The following SERPINE2 variants were observed in gnomAD, a reference collection of about 807,000 sequenced individuals.
SERPINE2 encodes the protein glia-derived nexin.
A neutral mutation model predicts 36.3 loss-of-function variants in SERPINE2; 14 were observed. That is an observed-to-expected ratio of 0.39 (90% CI 0.25 to 0.60). The LOEUF (loss-of-function observed/expected upper bound fraction) is 0.60. Among genes scored for constraint, SERPINE2 ranks in the 20% least tolerant of loss-of-function variants. SERPINE2 has a pLI of 0.57. For missense variants in SERPINE2, 418 were observed against 499.6 expected (o/e 0.84, Z 1.56); for synonymous variants, 192 against 191.8 (o/e 1.00, Z -0.01).
intron 3 of SERPINE2, among the ~76,000 whole-genome samples, chr2:223,997,577 G>T (rs1291834415): frequency 1.3e-5 from 2 of 152,216 alleles, no homozygotes; most frequent in Non-Finnish European, 2.9e-5. Flanking sequence ...TGGGAGAAGA[G>T]ACACTTACAA....
At chr2:223,984,358 A>C (rs1273733863) in intron 5 of SERPINE2, among the ~76,000 whole-genome samples, 1 of 152,196 alleles carries the variant, frequency 6.6e-6, no homozygotes, top group Admixed American at 6.5e-5. Flanking sequence ...AACTAAAATG[A>C]AGCTCCTTAT....
chr2:224,023,995 C>A (rs1205124597), intron 1 of SERPINE2, among the ~76,000 whole-genome samples: 1 of 152,178 alleles, frequency 6.6e-6, no homozygotes, highest in Non-Finnish European at 1.5e-5. Context: ...GAACTGGGTA[C>A]AAGAGGTGGG....
At chr2:224,038,181 T>G (rs947525446) in intron 1 of SERPINE2, among the ~76,000 whole-genome samples, 3 of 152,146 alleles carry the variant, frequency 2.0e-5, no homozygotes, top group Non-Finnish European at 4.4e-5. Flanking sequence ...TTCAGACAAA[T>G]AAACGGCTTC....
chr2:223,975,885 C>A lies in SERPINE2; in HGVS notation c.1176G>T (p.Gly392=). 1 of 1,596,326 alleles carries A rather than the reference C, an allele frequency of 6.3e-7. No homozygotes were observed. Among genetic ancestry groups the A allele is most frequent in the Non-Finnish European group, 8.6e-7 (1 of 1,168,324 alleles). ...HNPTGAVLFM[G]QINKP is the part of the protein sequence containing the mutation. ...ATACTCTTCAGGGTTTGTTTATCTG[C>A]CCCATGAATAACACAGCACCTACAG... The change falls in exon 9 of 9, where the codon GGG becomes GGT. Residue 392 remains glycine (G), a synonymous_variant. Coordinates refer to ENST00000409304, the MANE Select transcript of SERPINE2 (RefSeq NM_001136528.2).
At chr2:223,986,562 G>A (rs926442723) in intron 4 of SERPINE2, among the ~76,000 whole-genome samples, 4 of 152,154 alleles carry the variant, frequency 2.6e-5, no homozygotes, top group Admixed American at 2.0e-4. Flanking sequence ...TTCTGGCGGA[G>A]CTAATTTTCA....
chr2:224,025,968 T>G (rs1177639410), intron 1 of SERPINE2, among the ~76,000 whole-genome samples: 2 of 152,254 alleles, frequency 1.3e-5, no homozygotes, highest in Admixed American at 6.5e-5. Flanking sequence ...AGAGCTGGGC[T>G]ACATTTCCTA....
At chr2:224,005,118 G>C (rs1691376987) in intron 1 of SERPINE2, among the ~76,000 whole-genome samples, 1 of 137,854 alleles carries the variant, frequency 7.3e-6, no homozygotes, top group Non-Finnish European at 1.5e-5. Context: ...AAAACAGGGT[G>C]AAAGGATCAG....
intron 2 of SERPINE2, among the ~76,000 whole-genome samples, chr2:223,999,910 C>T (rs1273006271): frequency 2.0e-5 from 3 of 152,190 alleles, no homozygotes; most frequent in Non-Finnish European, 4.4e-5. Context: ...AACTTCCAAG[C>T]AAGGGGCAGA....
chr2:223,983,048 A>G (rs562520909), intron 5 of SERPINE2, among the ~76,000 whole-genome samples: 27 of 152,250 alleles, frequency 1.8e-4, no homozygotes, highest in African/African-American at 6.5e-4. Flanking sequence ...CCCTGTTCCA[A>G]TACTTAGGAA....
chr2:223,982,998 C>T (rs759182263), intron 5 of SERPINE2, among the ~76,000 whole-genome samples: 2 of 152,202 alleles, frequency 1.3e-5, no homozygotes, highest in African/African-American at 2.4e-5. Flanking sequence ...TATGTACTAA[C>T]GGCAAGAATA....
At chr2:223,987,233 A>G (rs1486966113) in intron 4 of SERPINE2, among the ~76,000 whole-genome samples, 4 of 152,220 alleles carry the variant, frequency 2.6e-5, no homozygotes, top group Non-Finnish European at 5.9e-5. Flanking sequence ...GCTGGCCCAT[A>G]GCAAAAACTG....
intron 1 of SERPINE2, chr2:224,038,519 C>T: frequency 3.9e-6 from 6 of 1,551,522 alleles, no homozygotes; most frequent in Middle Eastern, 1.7e-4. Context: ...TCGCAACTCC[C>T]GTTTCTACAG....
At chr2:223,999,819 C>A (rs1691039948) in intron 2 of SERPINE2, among the ~76,000 whole-genome samples, 1 of 152,202 alleles carries the variant, frequency 6.6e-6, no homozygotes, top group Non-Finnish European at 1.5e-5. Context: ...TCTCGGCCGA[C>A]ACAGCCTGGA....
At chr2:224,009,656 C>G (rs1416123765) in intron 1 of SERPINE2, among the ~76,000 whole-genome samples, 1 of 151,948 alleles carries the variant, frequency 6.6e-6, no homozygotes, top group South Asian at 2.1e-4. Flanking sequence ...GATTGTGCTA[C>G]TGCACTCCAG....
At chr2:224,026,406 C>T (rs1348103375) in intron 1 of SERPINE2, among the ~76,000 whole-genome samples, 1 of 152,200 alleles carries the variant, frequency 6.6e-6, no homozygotes, top group Non-Finnish European at 1.5e-5. Flanking sequence ...CTTTGCCTCT[C>T]TTTTTTAAAA....
chr2:224,026,149 G>T (rs1457997699), intron 1 of SERPINE2, among the ~76,000 whole-genome samples: 6 of 152,190 alleles, frequency 3.9e-5, no homozygotes, highest in African/African-American at 1.4e-4. Flanking sequence ...CTTAGCAGCT[G>T]CCTGTTAAAT....
At chr2:223,991,528 T>A (rs931236191) in intron 4 of SERPINE2, among the ~76,000 whole-genome samples, 1 of 152,208 alleles carries the variant, frequency 6.6e-6, no homozygotes, top group Non-Finnish European at 1.5e-5. Context: ...ATCTTTAAGT[T>A]TTCAACCAAA....
chr2:224,012,361 AAACTT>A (rs1691658968), intron 1 of SERPINE2, among the ~76,000 whole-genome samples: 1 of 152,190 alleles, frequency 6.6e-6, no homozygotes. Flanking sequence ...TCTCTGAAGA[AAACTT>A]AAAGACATGG....
chr2:223,991,080 AAAG>A (rs1164158112), intron 4 of SERPINE2, among the ~76,000 whole-genome samples: 3 of 152,230 alleles, frequency 2.0e-5, no homozygotes, highest in Non-Finnish European at 4.4e-5. Flanking sequence ...GTGTGAATAT[AAAG>A]AAAAGAATTT....
Sources: allele counts gnomAD v4.1 joint callset (sites outside exome capture counted in the v4.1 genomes callset), GRCh38; gene constraint gnomAD v4.1.1; transcripts MANE v1.5; gene names NCBI Gene and HGNC (gene_info 2026-07-23, HGNC 2026-07-21).